CCSER1: variants seen among roughly 807,000 people sequenced by gnomAD.
The protein encoded by CCSER1 is serine-rich coiled-coil domain-containing protein 1.
In CCSER1, 41 loss-of-function variants were observed where a neutral mutation model predicts 82.0. The observed-to-expected ratio is 0.50, with a 90% CI of 0.39 to 0.65. The LOEUF is 0.65. Ranked by LOEUF, CCSER1 falls within the 30% of genes least tolerant of loss-of-function variation. The pLI is 0.00. For missense variants in CCSER1, 1,119 were observed against 1,064.2 expected (o/e 1.05, Z -0.72); for synonymous variants, 414 against 383.9 (o/e 1.08, Z -0.92).
intron 7 of CCSER1, among the ~76,000 whole-genome samples, chr4:90,811,910 TACACAC>T (rs67215286): frequency 0.17 from 18,975 of 112,884 alleles, 1,605 homozygotes; most frequent in African/African-American, 0.29. Context: ...AATATATATA[TACACAC>T]ACACACACAC....
intron 10 of CCSER1, among the ~76,000 whole-genome samples, chr4:91,101,090 AC>A (rs1725013181): frequency 6.6e-6 from 1 of 152,232 alleles, no homozygotes; most frequent in African/African-American, 2.4e-5. Flanking sequence ...TCTGACAGAC[AC>A]AAAATCACTG....
At chr4:91,352,320 C>T (rs963494251) in intron 10 of CCSER1, among the ~76,000 whole-genome samples, 8 of 152,164 alleles carry the variant, frequency 5.3e-5, no homozygotes, top group South Asian at 2.1e-4. Flanking sequence ...GATCTCCGCT[C>T]GCTACAACCT....
chr4:90,527,735 T>TCAGATC (rs1373653169), intron 5 of CCSER1, among the ~76,000 whole-genome samples: 1 of 152,142 alleles, frequency 6.6e-6, no homozygotes, highest in Non-Finnish European at 1.5e-5. Flanking sequence ...TTTCTTAAAG[T>TCAGATC]CAGATCTTAT....
chr4:91,160,191 C>G (rs1244389255), intron 10 of CCSER1, among the ~76,000 whole-genome samples: 3 of 152,212 alleles, frequency 2.0e-5, no homozygotes, highest in African/African-American at 7.2e-5. Context: ...TGATGGTTTC[C>G]AGCTTCATCC....
intron 1 of CCSER1, among the ~76,000 whole-genome samples, chr4:90,281,905 G>A (rs1728931895): frequency 6.6e-6 from 1 of 151,992 alleles, no homozygotes; most frequent in African/African-American, 2.4e-5. Context: ...GTCACCATGG[G>A]AATACCCGTG....
At chr4:91,474,289 T>G (rs539562356) in intron 10 of CCSER1, among the ~76,000 whole-genome samples, 1 of 152,076 alleles carries the variant, frequency 6.6e-6, no homozygotes, top group South Asian at 2.1e-4. Flanking sequence ...TATAACAGTT[T>G]AAAATAATTT....
chr4:91,198,533 G>A (rs1230862605), intron 10 of CCSER1, among the ~76,000 whole-genome samples: 1 of 152,088 alleles, frequency 6.6e-6, no homozygotes, highest in Non-Finnish European at 1.5e-5. Context: ...GAAAATGAGG[G>A]AAGAGGCTAT....
intron 4 of CCSER1, among the ~76,000 whole-genome samples, chr4:90,411,753 T>G (rs1171497067): frequency 6.6e-6 from 1 of 152,160 alleles, no homozygotes; most frequent in Admixed American, 6.5e-5. Flanking sequence ...TTCAACATAG[T>G]GTTGGCAGTT....
intron 6 of CCSER1, among the ~76,000 whole-genome samples, chr4:90,719,976 A>T (rs1742378967): frequency 6.6e-6 from 1 of 151,540 alleles, no homozygotes. Flanking sequence ...TTGATTTGGA[A>T]TTTTTCTGAA....
chr4:90,620,540 C>G (rs140468542), intron 5 of CCSER1, among the ~76,000 whole-genome samples: 1 of 152,226 alleles, frequency 6.6e-6, no homozygotes, highest in African/African-American at 2.4e-5. Flanking sequence ...CTTGAATCAT[C>G]GTAGTTTCAA....
At chr4:90,195,138 A>T (rs1736359199) in intron 1 of CCSER1, among the ~76,000 whole-genome samples, 1 of 152,132 alleles carries the variant, frequency 6.6e-6, no homozygotes, top group South Asian at 2.1e-4. Flanking sequence ...ATTCACACAG[A>T]AACCTGTACA....
At chr4:90,744,142 C>T (rs1038402000) in intron 7 of CCSER1, among the ~76,000 whole-genome samples, 6 of 152,202 alleles carry the variant, frequency 3.9e-5, no homozygotes, top group African/African-American at 1.2e-4. Flanking sequence ...TATTTGCACA[C>T]GGCCTGGAAA....
intron 10 of CCSER1, among the ~76,000 whole-genome samples, chr4:91,285,037 A>C (rs1344992728): frequency 1.3e-5 from 2 of 152,006 alleles, no homozygotes; most frequent in Non-Finnish European, 2.9e-5. Context: ...TGCTAATGTG[A>C]ACAGAAGATG....
chr4:91,515,106 T>C (rs1162127806), intron 10 of CCSER1, among the ~76,000 whole-genome samples: 3 of 152,198 alleles, frequency 2.0e-5, no homozygotes, highest in African/African-American at 7.2e-5. Flanking sequence ...TATGGTATTA[T>C]GGTATTATTT....
chr4:91,060,704 C>T (rs1292978082), intron 9 of CCSER1, among the ~76,000 whole-genome samples: 1 of 151,940 alleles, frequency 6.6e-6, no homozygotes, highest in Non-Finnish European at 1.5e-5. Context: ...AATGCTAGGC[C>T]CTGTGTCCTC....
rs574400269 is a variant in CCSER1, at chr4:90,188,299, T to TA, written c.-42+60469dup. 1.1e-3 allele frequency among the ~76,000 whole-genome samples: 163 copies of TA among 152,008 alleles called. 3 individuals carry two copies. The highest frequency in any genetic ancestry group is 6.8e-3 in the Middle Eastern group (2 of 294). ...GGAGTTAAAGGATTTTTTAAAAAAATATATAGTAGCAGTCATATCTTCACT... is the reference window on the plus strand; with the variant it reads ...GGAGTTAAAGGATTTTTTAAAAAAATAATATAGTAGCAGTCATATCTTCACT... On this transcript the variant is annotated intron_variant, in intron 1 of 10. Coordinates refer to ENST00000509176, the MANE Select transcript of CCSER1 (RefSeq NM_001145065.2).
chr4:90,857,062 C>T (rs1160205528), intron 8 of CCSER1, among the ~76,000 whole-genome samples: 1 of 151,750 alleles, frequency 6.6e-6, no homozygotes, highest in Admixed American at 6.6e-5. Flanking sequence ...TAGAGTGAGG[C>T]TGGAATTCTG....
At chr4:91,537,705 C>CT (rs1251480380) in intron 10 of CCSER1, among the ~76,000 whole-genome samples, 1 of 151,796 alleles carries the variant, frequency 6.6e-6, no homozygotes, top group Non-Finnish European at 1.5e-5. Flanking sequence ...AGTGTGATAA[C>CT]TTTTTCTAAA....
chr4:90,890,952 T>C (rs1344704452), intron 8 of CCSER1, among the ~76,000 whole-genome samples: 2 of 152,086 alleles, frequency 1.3e-5, no homozygotes, highest in Admixed American at 1.3e-4. Flanking sequence ...AACAAGTCAA[T>C]GTAAATATCA....
Sources: allele counts gnomAD v4.1 joint callset (sites outside exome capture counted in the v4.1 genomes callset), GRCh38; gene constraint gnomAD v4.1.1; transcripts MANE v1.5; gene names NCBI Gene and HGNC (gene_info 2026-07-23, HGNC 2026-07-21).